ZFYVE27: variants seen among roughly 807,000 people sequenced by gnomAD.
The protein encoded by ZFYVE27 is zinc finger FYVE-type containing 27.
Under a neutral mutation model 52.8 loss-of-function variants are expected in ZFYVE27, and 36 were observed. The observed-to-expected ratio is 0.68, with a 90% CI of 0.52 to 0.90. The LOEUF (loss-of-function observed/expected upper bound fraction) is 0.90, where lower values mean the gene tolerates loss of function less well. Ranked by LOEUF, ZFYVE27 falls within the 40% of genes least tolerant of loss-of-function variation. The pLI is 0.00. For missense variants in ZFYVE27, 450 were observed against 527.2 expected, an observed-to-expected ratio of 0.85 and a Z score of 1.43; for synonymous variants, 223 against 215.6, an observed-to-expected ratio of 1.03 and a Z score of -0.30.
chr10:97,743,531 G>A (rs750535649), intron 3 of ZFYVE27, among the ~76,000 whole-genome samples: 4 of 152,216 alleles, frequency 2.6e-5, no homozygotes, highest in Admixed American at 1.3e-4. Flanking sequence ...CAGTATTATC[G>A]TTGTTTCCTT....
chr10:97,758,726 T>C (rs2136424046), intron 12 of ZFYVE27, among the ~76,000 whole-genome samples: 1 of 152,376 alleles, frequency 6.6e-6, no homozygotes, highest in African/African-American at 2.4e-5. Context: ...CCTGTAATTT[T>C]ACCACCCAGA....
intron 1 of ZFYVE27, among the ~76,000 whole-genome samples, chr10:97,737,745 G>A (rs1442855952): frequency 6.6e-6 from 1 of 152,246 alleles, no homozygotes; most frequent in Non-Finnish European, 1.5e-5. Flanking sequence ...AGACCGTAAA[G>A]GCTCCTCGGT....
rs1014598937 is a variant in ZFYVE27 at position 97,760,392 on chromosome 10, C to G, written c.*1092C>G. 1 of 152,302 alleles carries G rather than the reference C, an allele frequency of 6.6e-6. No individual in the cohort carries two copies. Among genetic ancestry groups the G allele is most frequent in the Non-Finnish European group, 1.5e-5 (1 of 68,102 alleles). 9.4% of individuals were successfully genotyped at this position (152,302 alleles called of 1,614,324 possible). On this transcript the variant is annotated 3_prime_UTR_variant, in exon 13 of 13. Transcript: ENST00000684270. ...ACTCTTACGGGCTCAGTATCTCTCC[C>G]TTAGCCATGAGCTGGCTCAGGCATC... is the stretch of plus-strand genomic sequence containing the variant.
intron 10 of ZFYVE27, among the ~76,000 whole-genome samples, chr10:97,755,027 C>T (rs2047997909): frequency 1.3e-5 from 2 of 152,196 alleles, no homozygotes; most frequent in Admixed American, 1.3e-4. Context: ...TCCCTTTGCC[C>T]TTGCGTGTGA....
At chr10:97,748,690 G>A (rs1193121631) in intron 5 of ZFYVE27, among the ~76,000 whole-genome samples, 3 of 152,028 alleles carry the variant, frequency 2.0e-5, no homozygotes, top group African/African-American at 7.2e-5. Context: ...CATAGTGTAT[G>A]TTCAATTTTT....
At chr10:97,755,620 G>A (rs1267335306) in intron 10 of ZFYVE27, among the ~76,000 whole-genome samples, 1 of 152,212 alleles carries the variant, frequency 6.6e-6, no homozygotes, top group Non-Finnish European at 1.5e-5. Context: ...CCTGCTTTGG[G>A]TGTTAGGATT....
chr10:97,737,871 G>A (rs183527298), intron 1 of ZFYVE27, among the ~76,000 whole-genome samples: 71 of 152,344 alleles, frequency 4.7e-4, no homozygotes, highest in Non-Finnish European at 2.9e-5. Flanking sequence ...TAGAGGATCG[G>A]GCGAGAGTCC....
At chr10:97,744,685 G>A in intron 3 of ZFYVE27, 44 bp from the exon 4 acceptor site, 1 of 1,609,666 alleles carries the variant, frequency 6.2e-7, no homozygotes, top group Non-Finnish European at 8.5e-7. Flanking sequence ...CCGACTCCTG[G>A]TCTTTGCTTA....
intron 11 of ZFYVE27, 39 bp downstream of exon 11, chr10:97,757,350 C>A: frequency 6.2e-7 from 1 of 1,613,818 alleles, no homozygotes; most frequent in South Asian, 1.1e-5. Context: ...GGGACAGTGT[C>A]CTTGGGACTG....
chr10:97,751,307 G>A, intron 7 of ZFYVE27, 84 bp from the exon 8 acceptor site: 1 of 1,487,980 alleles, frequency 6.7e-7, no homozygotes, highest in South Asian at 1.1e-5. Context: ...GGGTAGCCTG[G>A]ATGCTGGCTT....
chr10:97,757,344 C>T (rs2048620398), intron 11 of ZFYVE27, 33 bp downstream of exon 11: 1 of 1,613,988 alleles, frequency 6.2e-7, no homozygotes, highest in African/African-American at 1.3e-5. Context: ...TTGTTGGGGA[C>T]AGTGTCCTTG....
chr10:97,754,905 G>C, intron 10 of ZFYVE27: 1 of 920,568 alleles, frequency 1.1e-6, no homozygotes, highest in Non-Finnish European at 1.3e-6. Flanking sequence ...GAGGTAAAAA[G>C]AGTGCTTTGC....
intron 11 of ZFYVE27, 131 bp downstream of exon 11, chr10:97,757,442 A>T (rs1590110955): frequency 1.4e-6 from 2 of 1,385,888 alleles, no homozygotes; most frequent in African/African-American, 2.8e-5. Context: ...TTCTGGAGTG[A>T]GTGTGCCCTC....
At chr10:97,758,321 GT>G (rs1209431511) in intron 12 of ZFYVE27, 2,346 of 134,460 alleles carry the variant, frequency 0.017, 23 homozygotes, top group African/African-American at 0.032. Context: ...GTTAAACCAA[GT>G]TTTTTTTTTT....
chr10:97,755,229 A>G (rs1430659312), intron 10 of ZFYVE27, among the ~76,000 whole-genome samples: 1 of 152,184 alleles, frequency 6.6e-6, no homozygotes, highest in East Asian at 1.9e-4. Flanking sequence ...AGATGTTCCC[A>G]AGCTCTTTGC....
At chr10:97,753,261 CA>C (rs1358643242) in intron 10 of ZFYVE27, 79 bp downstream of exon 10, 2 of 1,537,508 alleles carry the variant, frequency 1.3e-6, no homozygotes, top group Non-Finnish European at 8.8e-7. Context: ...CACCCAGCCA[CA>C]GGGGCAGAGT....
At chr10:97,743,266 C>G (rs2044238675) in intron 3 of ZFYVE27, 102 bp downstream of exon 3, 5 of 1,346,248 alleles carry the variant, frequency 3.7e-6, no homozygotes, top group Non-Finnish European at 5.3e-6. Context: ...TCTTGTTGCC[C>G]TGGAGTTAGT....
At position 97,748,380 on chromosome 10, in the gene ZFYVE27, T is replaced by G. The variant is rs2046020176; in HGVS notation, c.551+16T>G. ...TGTCCTCACAGTGAGTGACCCCTCC[T>G]CTCCCGCCACCACCCTATAGGAATT... On this transcript the variant is annotated intron_variant, in intron 5 of 12. Coordinates refer to ENST00000684270, the MANE Select transcript of ZFYVE27 (RefSeq NM_001385875.1). 1 of 1,612,238 alleles carries G rather than the reference T, an allele frequency of 6.2e-7. No individual in the cohort carries two copies.
At chr10:97,741,728 G>A (rs1029631881) in intron 2 of ZFYVE27, among the ~76,000 whole-genome samples, 4 of 152,048 alleles carry the variant, frequency 2.6e-5, no homozygotes, top group Non-Finnish European at 5.9e-5. Flanking sequence ...AAACCTGCAC[G>A]TTCTGCACAT....
Sources: gnomAD v4.1 joint callset for allele counts (sites outside exome capture counted in the v4.1 genomes callset) on GRCh38, gnomAD v4.1.1 for gene constraint, MANE v1.5 for transcripts, NCBI Gene and HGNC (gene_info 2026-07-23, HGNC 2026-07-21) for gene names.